The following CASZ1 variants were observed in gnomAD, a reference collection of about 807,000 sequenced individuals.
CASZ1 encodes the protein castor zinc finger 1.
Under a neutral mutation model 135.2 loss-of-function variants are expected in CASZ1, and 28 were observed. The observed-to-expected ratio is 0.21, with a 90% CI of 0.15 to 0.28. The LOEUF is 0.28. Among genes scored for constraint, CASZ1 ranks in the 10% least tolerant of loss-of-function variants. The pLI is 1.00. For synonymous variants in CASZ1, 1,068 were observed against 1,073.4 expected (o/e 0.99, Z 0.10); for missense variants, 2,161 against 2,453.3 (o/e 0.88, Z 2.52).
chr1:10,642,807 G>T, intron 20 of CASZ1, 52 bp downstream of exon 20: 1 of 1,595,290 alleles, frequency 6.3e-7, no homozygotes. Context: ...CAGCGGTGCT[G>T]GGCTTTGGGA....
intron 1 of CASZ1, 144 bp downstream of exon 1, chr1:10,796,420 T>TCGCC (rs1641072503): frequency 1.3e-5 from 2 of 151,378 alleles, no homozygotes; most frequent in African/African-American, 2.4e-5. Flanking sequence ...GCTCGCTCGC[T>TCGCC]CGCCCGCTCC....
intron 4 of CASZ1, among the ~76,000 whole-genome samples, chr1:10,674,121 G>A (rs1643490493): frequency 6.6e-6 from 1 of 152,226 alleles, no homozygotes; most frequent in Non-Finnish European, 1.5e-5. Flanking sequence ...GGGGCAAGAT[G>A]CCCTCCCCAG....
At chr1:10,678,242 G>A (rs1377159702) in intron 4 of CASZ1, among the ~76,000 whole-genome samples, 7 of 152,220 alleles carry the variant, frequency 4.6e-5, no homozygotes, top group Non-Finnish European at 1.5e-5. Context: ...GGCCAGCGAC[G>A]GCGACCATGA....
intron 7 of CASZ1, chr1:10,658,273 G>A: frequency 1.9e-6 from 1 of 526,812 alleles, no homozygotes; most frequent in Non-Finnish European, 3.4e-6. Flanking sequence ...GGCCCTAACT[G>A]GGGGCACAGG....
At chr1:10,656,993 G>A (rs1394864719) in intron 7 of CASZ1, among the ~76,000 whole-genome samples, 3 of 152,178 alleles carry the variant, frequency 2.0e-5, no homozygotes, top group African/African-American at 7.2e-5. Context: ...GATGGGGCCC[G>A]AGCCCTGGGA....
chr1:10,714,567 G>T lies in CASZ1; in HGVS notation c.-76-9023C>A, dbSNP rs190223782. Among the ~76,000 whole-genome samples the T allele has an allele frequency of 8.1e-4, 124 of 152,322 alleles. 1 individual carries two copies. The highest frequency in any genetic ancestry group is 2.5e-3 in the African/African-American group (106 of 41,582). ...GGGCACCCCCCGCCACCACCACTGG[G>T]CTGGCCGTGCTTTCACAGGTTTTTC... On this transcript the variant is annotated intron_variant, in intron 2 of 20. Transcript: ENST00000377022.
rs201640911 is a variant in CASZ1 at position 10,665,335 on chromosome 1, G to A, written c.253C>T (p.Arg85Trp). 330 of 1,612,138 alleles carry A rather than the reference G, an allele frequency of 2.0e-4. 3 individuals carry two copies. The highest frequency in any genetic ancestry group is 5.0e-5 in the Admixed American group (3 of 59,918). ...TTCACCCACTTCTCGATCACTGCCCGTCTCTTGTCTTCCTCGCTGCGGGGG... is the reference window on the plus strand; with the variant it reads ...TTCACCCACTTCTCGATCACTGCCCATCTCTTGTCTTCCTCGCTGCGGGGG... ...RAPRSEEDKR[R>W]AVIEKWVNGE... Residue 85 changes from arginine (R) to tryptophan (W), a missense_variant, in exon 5 of 21, where the codon CGG (arginine) becomes TGG (tryptophan). Arg to Trp is a moderately radical substitution (Grantham distance 101). Coordinates refer to ENST00000377022, the MANE Select transcript of CASZ1 (RefSeq NM_001079843.3).
intron 4 of CASZ1, among the ~76,000 whole-genome samples, chr1:10,688,328 A>C (rs1219912807): frequency 6.6e-6 from 1 of 152,188 alleles, no homozygotes; most frequent in Non-Finnish European, 1.5e-5. Flanking sequence ...GCATGGGGCA[A>C]GAAAGGTAGC....
At chr1:10,664,752 GC>G (rs1258764652) in intron 5 of CASZ1, among the ~76,000 whole-genome samples, 1 of 152,030 alleles carries the variant, frequency 6.6e-6, no homozygotes, top group African/African-American at 2.4e-5. Context: ...AGAGTCACCT[GC>G]CCACCATCTG....
intron 1 of CASZ1, among the ~76,000 whole-genome samples, chr1:10,780,634 T>A (rs1640746129): frequency 6.6e-6 from 1 of 152,220 alleles, no homozygotes; most frequent in Non-Finnish European, 1.5e-5. Flanking sequence ...TAAACAATGT[T>A]GTCTCATGAT....
intron 3 of CASZ1, among the ~76,000 whole-genome samples, chr1:10,703,184 C>T (rs560611): frequency 0.51 from 77,237 of 151,274 alleles, 21,384 homozygotes; most frequent in Non-Finnish European, 0.64. Context: ...GACCTCTGGC[C>T]GCGGCCGCAG....
intron 1 of CASZ1, among the ~76,000 whole-genome samples, chr1:10,765,117 C>A (rs1180657378): frequency 6.6e-6 from 1 of 152,178 alleles, no homozygotes; most frequent in Admixed American, 6.5e-5. Context: ...TGAACATCAG[C>A]CACGGAGACG....
Position 10,757,119 on chromosome 1 carries a change from C to T in CASZ1, c.-77+3582G>A, listed in dbSNP as rs572645518. Among the ~76,000 whole-genome samples the T allele has an allele frequency of 5.7e-4, 87 of 152,288 alleles. 1 individual carries two copies. In the South Asian group the frequency reaches 0.012, roughly 21 times the overall value. ...CCGCAAGGAGCCCGACCCACTCAAA[C>T]GAGCCTTTCTCAGCACCCAGCATGG... On this transcript the variant is annotated intron_variant, in intron 2 of 20. Coordinates refer to ENST00000377022, the MANE Select transcript of CASZ1 (RefSeq NM_001079843.3). This position sits in a 1 kb window ranked among gnomAD's most constrained non-coding sequence, Gnocchi z 4.6.
chr1:10,712,233 C>G lies in CASZ1; in HGVS notation c.-76-6689G>C, dbSNP rs1570512121. ...TGGTGGTGGGCGCCTGTAATCCCAG[C>G]TACTCGGGAGGCTGAGGCAGGAAAA... On this transcript the variant is annotated intron_variant, in intron 2 of 20. Transcript: ENST00000377022. 2.6e-5 allele frequency among the ~76,000 whole-genome samples: 4 copies of G among 152,154 alleles called. No individual in the cohort carries two copies. In the South Asian group the frequency reaches 8.3e-4, roughly 32 times the overall value.
At chr1:10,742,603 A>C (rs1639944940) in intron 2 of CASZ1, among the ~76,000 whole-genome samples, 1 of 152,156 alleles carries the variant, frequency 6.6e-6, no homozygotes, top group Non-Finnish European at 1.5e-5. Flanking sequence ...TCTAGAAGTG[A>C]AGAACTTGAA....
chr1:10,675,021 C>CCA (rs1557495559), intron 4 of CASZ1, among the ~76,000 whole-genome samples: 7 of 152,062 alleles, frequency 4.6e-5, no homozygotes, highest in African/African-American at 1.7e-4. Flanking sequence ...AGATACCCCC[C>CCA]GCAACCAACT....
rs1168377452 is a variant in CASZ1, at chr1:10,717,381, G to GT, written c.-76-11838dup. ...CTGGGGTGTTGGTGAGTTGTTGGAG[G>GT]TTTTTTTTTCTTTTCTTTTCTTTTT... On this transcript the variant is annotated intron_variant, in intron 2 of 20. Coordinates refer to ENST00000377022, the MANE Select transcript of CASZ1 (RefSeq NM_001079843.3). The surrounding 1 kb of genome is among the most constrained non-coding windows in gnomAD (Gnocchi z 4.6). Among the ~76,000 whole-genome samples, 27 of 151,376 alleles carry GT rather than the reference G, an allele frequency of 1.8e-4. No homozygotes were observed. Among genetic ancestry groups the GT allele is most frequent in the African/African-American group, 4.6e-4 (19 of 41,216 alleles).
At chr1:10,740,278 C>T (rs1639889483) in intron 2 of CASZ1, among the ~76,000 whole-genome samples, 1 of 152,248 alleles carries the variant, frequency 6.6e-6, no homozygotes, top group Admixed American at 6.5e-5. Context: ...AAGTCAAGGG[C>T]AGCACTTCAG....
chr1:10,732,320 C>CAA (rs779997881), intron 2 of CASZ1, among the ~76,000 whole-genome samples: 57 of 65,542 alleles, frequency 8.7e-4, no homozygotes, highest in African/African-American at 2.6e-3. Flanking sequence ...GACTCCGTCT[C>CAA]AAAAAAAAAA....
Sources: gnomAD v4.1 joint callset for allele counts (sites outside exome capture counted in the v4.1 genomes callset) on GRCh38, gnomAD v4.1.1 for gene constraint, Gnocchi (gnomAD v3.1) non-coding constraint, MANE v1.5 for transcripts, NCBI Gene and HGNC (gene_info 2026-07-23, HGNC 2026-07-21) for gene names.